DPP10: variants seen among roughly 807,000 people sequenced by gnomAD.
DPP10 encodes inactive dipeptidyl peptidase 10.
DPP10 carries 33 observed loss-of-function variants against 120.9 expected under a neutral mutation model. That is an observed-to-expected ratio of 0.27 (90% CI 0.21 to 0.37). The LOEUF is 0.37. Among genes scored for constraint, DPP10 ranks in the 10% least tolerant of loss-of-function variants. The pLI, the probability that DPP10 is intolerant of heterozygous loss-of-function variation, is 1.00. For synonymous variants in DPP10, 337 were observed against 326.1 expected (o/e 1.03, Z -0.36); for missense variants, 816 against 942.8 (o/e 0.87, Z 1.76).
At chr2:114,531,052 A>T (rs1685932572) in intron 1 of DPP10, among the ~76,000 whole-genome samples, 1 of 152,158 alleles carries the variant, frequency 6.6e-6, no homozygotes, top group Non-Finnish European at 1.5e-5. Flanking sequence ...GATGGTCCAC[A>T]GGGGGATACA....
At chr2:114,701,921 G>A (rs1700407632) in intron 1 of DPP10, among the ~76,000 whole-genome samples, 1 of 152,108 alleles carries the variant, frequency 6.6e-6, no homozygotes. Context: ...CGCAAGCCTA[G>A]AGAGATACCT....
At chr2:115,618,309 G>GT (rs2084683351) in intron 5 of DPP10, among the ~76,000 whole-genome samples, 1 of 152,186 alleles carries the variant, frequency 6.6e-6, no homozygotes, top group African/African-American at 2.4e-5. Context: ...TGAGTGCAAT[G>GT]TGTCAGTTGA....
At position 115,581,156 on chromosome 2, in the gene DPP10, G is replaced by A. The variant is rs571933792; in HGVS notation, c.441+55184G>A. Among the ~76,000 whole-genome samples, 11 of 152,256 alleles carry A rather than the reference G, an allele frequency of 7.2e-5. No homozygotes were observed. The South Asian group carries it at 1.7e-3, about 23-fold the overall frequency. On this transcript the variant is annotated intron_variant, in intron 5 of 25. Transcript: ENST00000410059. ...TACATTCTAGAGCTTCTATGCTCTT[G>A]GTGGAGAAGCTGATGCACACACTTA...
At chr2:115,224,434 G>A (rs917792945) in intron 1 of DPP10, among the ~76,000 whole-genome samples, 7 of 152,112 alleles carry the variant, frequency 4.6e-5, no homozygotes, top group African/African-American at 1.7e-4. Flanking sequence ...TTAAAAATTT[G>A]CTAGGTGAGT....
At chr2:114,895,692 C>T (rs897919220) in intron 1 of DPP10, among the ~76,000 whole-genome samples, 4 of 152,100 alleles carry the variant, frequency 2.6e-5, no homozygotes, top group South Asian at 2.1e-4. Flanking sequence ...ACTTTGGTTT[C>T]GAACTTATTT....
chr2:115,789,701 A>G (rs1683729880), intron 17 of DPP10, among the ~76,000 whole-genome samples: 1 of 152,222 alleles, frequency 6.6e-6, no homozygotes, highest in Non-Finnish European at 1.5e-5. Flanking sequence ...ACAAAAAGGA[A>G]GGAAACAAAA....
chr2:115,199,305 G>C (rs2055519301), intron 1 of DPP10, among the ~76,000 whole-genome samples: 1 of 130,140 alleles, frequency 7.7e-6, no homozygotes, highest in South Asian at 2.5e-4. Flanking sequence ...TTTTCTGCTT[G>C]GGATCTGTTG....
rs533561317 is a variant in DPP10 at position 114,589,042 on chromosome 2, G to C, written c.60+146204G>C. 3.9e-4 allele frequency among the ~76,000 whole-genome samples: 59 copies of C among 151,016 alleles called. 1 individual carries two copies. The highest frequency in any genetic ancestry group is 1.0e-3 in the African/African-American group (43 of 41,028). ...TAGAAAGGCAAAGGTTTTTTTGGGG[G>C]GGGGGGTAGGGGACGTACTGTTTAT... On this transcript the variant is annotated intron_variant, in intron 1 of 25. Transcript: ENST00000410059.
intron 1 of DPP10, among the ~76,000 whole-genome samples, chr2:114,734,487 C>T (rs1453687439): frequency 6.6e-6 from 1 of 152,116 alleles, no homozygotes; most frequent in Non-Finnish European, 1.5e-5. Context: ...GAAGTCCCGC[C>T]TTTCTGAACA....
chr2:114,508,406 CATGTT>C (rs1409448611), intron 1 of DPP10, among the ~76,000 whole-genome samples: 1 of 152,070 alleles, frequency 6.6e-6, no homozygotes, highest in African/African-American at 2.4e-5. Context: ...GTGATTGACT[CATGTT>C]AAGTGTAATA....
At chr2:114,832,483 C>T (rs187840899) in intron 1 of DPP10, among the ~76,000 whole-genome samples, 5 of 152,206 alleles carry the variant, frequency 3.3e-5, no homozygotes, top group African/African-American at 9.6e-5. Flanking sequence ...TGCAGTGAGC[C>T]GAGATCGCAC....
At chr2:114,767,404 A>G (rs1680831425) in intron 1 of DPP10, among the ~76,000 whole-genome samples, 2 of 151,228 alleles carry the variant, frequency 1.3e-5, no homozygotes, top group South Asian at 2.1e-4. Context: ...AATGGAGGAG[A>G]GGCGAAATTT....
chr2:115,100,459 AACAC>A (rs142076600), intron 1 of DPP10, among the ~76,000 whole-genome samples: 4 of 150,472 alleles, frequency 2.7e-5, no homozygotes, highest in Non-Finnish European at 5.9e-5. Context: ...TAAATTAAAA[AACAC>A]ACACACACAC....
intron 5 of DPP10, among the ~76,000 whole-genome samples, chr2:115,527,029 A>T (rs574166511): frequency 6.6e-6 from 1 of 152,220 alleles, no homozygotes; most frequent in South Asian, 2.1e-4. Flanking sequence ...TTATAGACTA[A>T]AATATTATGC....
chr2:115,801,479 G>A (rs140276855), intron 19 of DPP10, among the ~76,000 whole-genome samples: 2,774 of 152,178 alleles, frequency 0.018, 84 homozygotes, highest in African/African-American at 0.061. Context: ...TATGTTGAAT[G>A]GGAGTGGTGA....
chr2:115,763,107 C>T (rs1048005432), intron 12 of DPP10, among the ~76,000 whole-genome samples: 3 of 152,134 alleles, frequency 2.0e-5, no homozygotes, highest in African/African-American at 2.4e-5. Context: ...TACATGGTCT[C>T]ATCCTGGACA....
At chr2:115,277,703 G>C (rs189542150) in intron 1 of DPP10, among the ~76,000 whole-genome samples, 1 of 151,696 alleles carries the variant, frequency 6.6e-6, no homozygotes, top group Non-Finnish European at 1.5e-5. Flanking sequence ...AAAATATTGC[G>C]TAAGTAGAGA....
chr2:115,275,555 A>G (rs961127668), intron 1 of DPP10, among the ~76,000 whole-genome samples: 9 of 152,202 alleles, frequency 5.9e-5, no homozygotes, highest in Admixed American at 3.9e-4. Flanking sequence ...AACAGTTACT[A>G]TATAAGTCAC....
intron 5 of DPP10, among the ~76,000 whole-genome samples, chr2:115,553,561 C>T (rs925710781): frequency 1.3e-5 from 2 of 151,730 alleles, no homozygotes; most frequent in East Asian, 1.9e-4. Flanking sequence ...GAGTATAATA[C>T]GTTTTCATGG....
Sources: allele counts gnomAD v4.1 joint callset (sites outside exome capture counted in the v4.1 genomes callset), GRCh38; gene constraint gnomAD v4.1.1; transcripts MANE v1.5; gene names NCBI Gene and HGNC (gene_info 2026-07-23, HGNC 2026-07-21).